The following RHBDD1 variants were observed in gnomAD, a reference collection of about 807,000 sequenced individuals.
The protein encoded by RHBDD1 is rhomboid domain containing 1, also known as rhomboid-related protein 4.
A neutral mutation model predicts 36.3 loss-of-function variants in RHBDD1; 38 were observed. The ratio of observed to expected loss-of-function variants is 1.05; its 90% CI spans 0.81 to 1.37. The LOEUF is 1.37. Ranked by LOEUF, RHBDD1 falls within the 40% of genes most tolerant of loss-of-function variation. RHBDD1 has a pLI of 0.00. For missense variants in RHBDD1, 393 were observed against 377.6 expected, an observed-to-expected ratio of 1.04 and a Z score of -0.34; for synonymous variants, 151 against 136.5, an observed-to-expected ratio of 1.11 and a Z score of -0.74.
chr2:226,885,890 G>A (rs913455013), intron 5 of RHBDD1, among the ~76,000 whole-genome samples: 3 of 152,132 alleles, frequency 2.0e-5, no homozygotes, highest in Admixed American at 6.5e-5. Context: ...TCCGATAACC[G>A]AGATGGCTGT....
At chr2:226,958,093 ATTTT>A (rs1490857740) in intron 8 of RHBDD1, among the ~76,000 whole-genome samples, 1 of 152,244 alleles carries the variant, frequency 6.6e-6, no homozygotes, top group Non-Finnish European at 1.5e-5. Flanking sequence ...GTGAATATTT[ATTTT>A]AACATTATTC....
intron 5 of RHBDD1, among the ~76,000 whole-genome samples, chr2:226,899,776 A>G (rs560134645): frequency 1.3e-5 from 2 of 152,306 alleles, no homozygotes; most frequent in South Asian, 4.1e-4. Flanking sequence ...GACTAGGATA[A>G]TTTTTTACTC....
intron 8 of RHBDD1, among the ~76,000 whole-genome samples, chr2:226,925,544 T>C (rs551999778): frequency 3.7e-4 from 57 of 152,268 alleles, no homozygotes; most frequent in African/African-American, 1.3e-3. Flanking sequence ...CAAATATTTT[T>C]CCTTAGGAAA....
chr2:226,893,407 C>T (rs947089497), intron 5 of RHBDD1, among the ~76,000 whole-genome samples: 11 of 152,214 alleles, frequency 7.2e-5, no homozygotes, highest in African/African-American at 1.2e-4. Flanking sequence ...TGTGCCAAGT[C>T]GCATTTATTC....
At chr2:226,832,702 T>C (rs961221002), upstream of RHBDD1, among the ~76,000 whole-genome samples, 7 of 152,234 alleles carry the variant, frequency 4.6e-5, no homozygotes, top group African/African-American at 1.2e-4. Flanking sequence ...CTCTTATCAG[T>C]ATGGAATTTC....
At chr2:226,914,621 G>C (rs1379280056) in intron 8 of RHBDD1, 1 of 202,698 alleles carries the variant, frequency 4.9e-6, no homozygotes, top group African/African-American at 2.3e-5. Context: ...TTAAAGTCAA[G>C]AAACTTAAAA....
At chr2:226,976,692 G>A (rs1286284414) in intron 8 of RHBDD1, among the ~76,000 whole-genome samples, 2 of 152,138 alleles carry the variant, frequency 1.3e-5, no homozygotes, top group African/African-American at 2.4e-5. Context: ...GAGAAGGGAG[G>A]GTTAGGAGTA....
chr2:226,945,138 CAAATCT>C (rs1950889017), intron 8 of RHBDD1, among the ~76,000 whole-genome samples: 1 of 115,916 alleles, frequency 8.6e-6, no homozygotes, highest in Non-Finnish European at 1.9e-5. Context: ...GAAACAAGAT[CAAATCT>C]GATTATTATT....
At chr2:226,806,318 A>C in the RHBDD1 span, among the ~76,000 whole-genome samples, 1 of 152,116 alleles carries the variant, frequency 6.6e-6, no homozygotes, top group African/African-American at 2.4e-5. Flanking sequence ...GGAATTGTTC[A>C]AATCAAAGCT....
intron 8 of RHBDD1, among the ~76,000 whole-genome samples, chr2:226,985,176 C>T (rs535772774): frequency 1.3e-5 from 2 of 152,162 alleles, no homozygotes; most frequent in African/African-American, 2.4e-5. Context: ...CTCACTAACA[C>T]GAGGCAGCAT....
At chr2:226,942,801 T>C (rs1201384296) in intron 8 of RHBDD1, among the ~76,000 whole-genome samples, 1 of 152,202 alleles carries the variant, frequency 6.6e-6, no homozygotes, top group Non-Finnish European at 1.5e-5. Flanking sequence ...TAATTTGTCT[T>C]TAATAGTTTT....
upstream of RHBDD1, among the ~76,000 whole-genome samples, chr2:226,831,659 A>G (rs1368433520): frequency 2.6e-5 from 4 of 152,192 alleles, no homozygotes; most frequent in Non-Finnish European, 5.9e-5. Context: ...TCTCTAGAAC[A>G]TGAGATAATA....
intron 5 of RHBDD1, among the ~76,000 whole-genome samples, chr2:226,875,744 AT>A (rs1403768162): frequency 3.3e-5 from 5 of 152,194 alleles, no homozygotes; most frequent in Admixed American, 3.3e-4. Context: ...AGCTTGGCAA[AT>A]TTATGAAATC....
At chr2:226,949,793 C>T (rs1951292094) in intron 8 of RHBDD1, among the ~76,000 whole-genome samples, 2 of 152,074 alleles carry the variant, frequency 1.3e-5, no homozygotes, top group African/African-American at 4.8e-5. Context: ...TGCAGATGGC[C>T]TTTCCCCCGT....
intron 8 of RHBDD1, among the ~76,000 whole-genome samples, chr2:226,918,867 T>G (rs1949106071): frequency 6.6e-6 from 1 of 152,094 alleles, no homozygotes. Flanking sequence ...AGCTCTACAT[T>G]TAGTTTTCTG....
At chr2:226,901,830 A>T (rs970415664) in intron 5 of RHBDD1, among the ~76,000 whole-genome samples, 6 of 152,348 alleles carry the variant, frequency 3.9e-5, no homozygotes, top group African/African-American at 1.4e-4. Context: ...ACTTGACTAG[A>T]CATTTTTCTA....
chr2:226,929,953 TAAC>T (rs1949920985), intron 8 of RHBDD1, among the ~76,000 whole-genome samples: 1 of 151,732 alleles, frequency 6.6e-6, no homozygotes, highest in East Asian at 1.9e-4. Flanking sequence ...GGGATAAACT[TAAC>T]AAAGGAGGTC....
intron 8 of RHBDD1, among the ~76,000 whole-genome samples, chr2:226,958,953 CTGGTTAGCGCG>C (rs1951985814): frequency 1.3e-5 from 2 of 152,110 alleles, no homozygotes; most frequent in African/African-American, 4.8e-5. Flanking sequence ...AAACCATACT[CTGGTTAGCGCG>C]ATAAACCTCA....
intron 7 of RHBDD1, among the ~76,000 whole-genome samples, chr2:226,913,696 A>G (rs1948687325): frequency 1.3e-5 from 2 of 152,098 alleles, no homozygotes; most frequent in African/African-American, 2.4e-5. Flanking sequence ...AATCTCTGAC[A>G]TAGAATTACA....
Sources: allele counts gnomAD v4.1 joint callset (sites outside exome capture counted in the v4.1 genomes callset), GRCh38; gene constraint gnomAD v4.1.1; transcripts MANE v1.5; gene names NCBI Gene and HGNC (gene_info 2026-07-23, HGNC 2026-07-21).